Variants in SLC12A1 observed in about 807,000 individuals in gnomAD.
SLC12A1 encodes solute carrier family 12 member 1.
In SLC12A1, 89 loss-of-function variants were observed where a neutral mutation model predicts 130.4. That is an observed-to-expected ratio of 0.68 (90% CI 0.58 to 0.81). SLC12A1 has a LOEUF of 0.81. SLC12A1 is among the 40% of genes least tolerant of loss of function. SLC12A1 has a pLI of 0.00. For missense variants in SLC12A1, 1,310 were observed against 1,336.4 expected, an observed-to-expected ratio of 0.98 and a Z score of 0.31; for synonymous variants, 499 against 460.0, an observed-to-expected ratio of 1.08 and a Z score of -1.09.
At position 48,249,762 on chromosome 15, in the gene SLC12A1, A is replaced by G. The variant is rs118097070; in HGVS notation, c.1786+86A>G. 2.0e-3 allele frequency: 1,973 copies of G among 982,318 alleles called. 6 individuals are homozygous for G. Among genetic ancestry groups the G allele is most frequent in the Non-Finnish European group, 2.6e-3 (1,631 of 618,510 alleles). The allele number at this position is 982,318 out of a possible 1,614,324, so 60.9% of individuals were successfully genotyped here. A position where few individuals can be genotyped will look rare whatever the true frequency, so the allele number is the denominator to read the frequency against. ...GAAATAAATCAGTGAAAAGTGTTCA[A>G]TCTGTGTTTATATGTTTCCTTATAT... On this transcript the variant is annotated intron_variant, in intron 14 of 26. Transcript: ENST00000380993.
rs112789052 is a variant in SLC12A1 at position 48,269,960 on chromosome 15, G to A, written c.2402+196G>A. Among the ~76,000 whole-genome samples, 737 of 152,286 alleles carry A rather than the reference G, an allele frequency of 4.8e-3. 8 individuals carry two copies. The highest frequency in any genetic ancestry group is 0.044 in the Middle Eastern group (13 of 294). ...AGTTTGAGGGAATCAGAGTGTCAGA[G>A]GAGGCAGGGTGAGAGAAACGCCCGT... On this transcript the variant is annotated intron_variant, in intron 19 of 26. Coordinates refer to ENST00000380993, the MANE Select transcript of SLC12A1 (RefSeq NM_000338.3).
At chr15:48,255,164 G>T (rs751397082) in intron 15 of SLC12A1, among the ~76,000 whole-genome samples, 11 of 152,158 alleles carry the variant, frequency 7.2e-5, no homozygotes, top group Admixed American at 1.3e-4. Context: ...TTTGGGCCAG[G>T]CGCGGTGGCT....
At chr15:48,217,872 C>T (rs1205719236) in intron 2 of SLC12A1, 2 of 152,490 alleles carry the variant, frequency 1.3e-5, no homozygotes, top group Non-Finnish European at 2.9e-5. Flanking sequence ...AGTGGCACAA[C>T]TGTGGTTCAC....
intron 15 of SLC12A1, among the ~76,000 whole-genome samples, chr15:48,254,308 G>A (rs1360772402): frequency 1.3e-5 from 2 of 151,940 alleles, no homozygotes; most frequent in African/African-American, 4.8e-5. Flanking sequence ...GTGAGGTATT[G>A]TTCAAGGTTC....
intron 1 of SLC12A1, among the ~76,000 whole-genome samples, chr15:48,207,072 T>C (rs2040990892): frequency 6.6e-6 from 1 of 152,176 alleles, no homozygotes; most frequent in African/African-American, 2.4e-5. Flanking sequence ...TTTTATAAAC[T>C]AGCAAGAATA....
chr15:48,299,657 C>T (rs563186209), intron 25 of SLC12A1, among the ~76,000 whole-genome samples: 1 of 152,092 alleles, frequency 6.6e-6, no homozygotes, highest in Non-Finnish European at 1.5e-5. Flanking sequence ...ATACTTTTAA[C>T]CTGATGAAGA....
At chr15:48,255,267 G>A (rs775242741) in intron 15 of SLC12A1, among the ~76,000 whole-genome samples, 24 of 151,856 alleles carry the variant, frequency 1.6e-4, no homozygotes, top group East Asian at 3.9e-4. Flanking sequence ...GTGAAACCCC[G>A]TCTCTACTAA....
intron 20 of SLC12A1, among the ~76,000 whole-genome samples, chr15:48,277,150 T>C (rs183064223): frequency 9.1e-4 from 138 of 152,000 alleles, no homozygotes; most frequent in African/African-American, 3.2e-3. Flanking sequence ...TATAGATCTC[T>C]GGGAGATCAA....
At chr15:48,247,562 A>T (rs559766568) in intron 13 of SLC12A1, 102 bp downstream of exon 13, 2 of 940,556 alleles carry the variant, frequency 2.1e-6, no homozygotes, top group East Asian at 2.7e-5. Flanking sequence ...TATGTTTAGG[A>T]TCCCATTTGG....
At chr15:48,220,315 T>G (rs781330266) in intron 2 of SLC12A1, among the ~76,000 whole-genome samples, 2 of 152,102 alleles carry the variant, frequency 1.3e-5, no homozygotes, top group Non-Finnish European at 2.9e-5. Flanking sequence ...CTTGTAGCCC[T>G]TCTCTCTTTT....
In SLC12A1 at chr15:48,257,518, T is replaced by G. The variant is rs2041721703; in HGVS notation, c.2042+1608T>G. Among the ~76,000 whole-genome samples, 4 of 152,150 alleles carry G rather than the reference T, an allele frequency of 2.6e-5. No individual in the cohort carries two copies. The South Asian group carries it at 8.3e-4, about 32-fold the overall frequency. ...GCATTTCCATACATCCTCTGACATC[T>G]AGGAGGAGGTTCTCAAACCTCAATT... On this transcript the variant is annotated intron_variant, in intron 16 of 26. Transcript: ENST00000380993.
chr15:48,292,099 T>G (rs1393166834), intron 24 of SLC12A1, among the ~76,000 whole-genome samples: 1 of 152,246 alleles, frequency 6.6e-6, no homozygotes, highest in Admixed American at 6.5e-5. Flanking sequence ...AACAGATTAG[T>G]TAGTATTTTA....
chr15:48,281,945 C>G lies in SLC12A1; in HGVS notation c.2486-3161C>G, dbSNP rs532733104. Among the ~76,000 whole-genome samples the G allele has an allele frequency of 3.9e-5, 6 of 152,238 alleles. No individual in the cohort carries two copies. The South Asian group carries it at 1.2e-3, about 32-fold the overall frequency. ...TAGACAAAGTCTACTCTTAATTTCC[C>G]TGCATGCAAACAGAGGCAAGCAGTA... On this transcript the variant is annotated intron_variant, in intron 20 of 26. Transcript: ENST00000380993.
chr15:48,235,075 G>C (rs770918514), intron 9 of SLC12A1, 71 bp downstream of exon 9: 1 of 1,472,818 alleles, frequency 6.8e-7, no homozygotes. Flanking sequence ...AGGAGCTAGA[G>C]AGGTTAGATG....
chr15:48,238,848 C>T (rs535597253), intron 9 of SLC12A1, among the ~76,000 whole-genome samples: 10 of 152,096 alleles, frequency 6.6e-5, no homozygotes, highest in Non-Finnish European at 1.3e-4. Context: ...CTTACATTTG[C>T]TAATAATGCA....
rs767803616 is a variant in SLC12A1, at chr15:48,227,115, TA to T, written c.724+546del. On this transcript the variant is annotated intron_variant, in intron 5 of 26. Coordinates refer to ENST00000380993, the MANE Select transcript of SLC12A1 (RefSeq NM_000338.3). ...ATCATCATTGGCCTAAGTGTGGTAG[TA>T]ACGACACTCACAGGTATTTCTATGT... 3.2e-6 allele frequency: 5 copies of T among 1,552,230 alleles called. No individual in the cohort carries two copies. The South Asian group carries it at 5.9e-5, about 18-fold the overall frequency.
intron 11 of SLC12A1, among the ~76,000 whole-genome samples, chr15:48,246,232 T>C (rs1003232410): frequency 6.6e-6 from 1 of 152,112 alleles, no homozygotes; most frequent in African/African-American, 2.4e-5. Flanking sequence ...AGAAGAAAGG[T>C]TAATGGCTGT....
intron 20 of SLC12A1, among the ~76,000 whole-genome samples, chr15:48,279,152 C>T (rs754829563): frequency 1.3e-5 from 2 of 152,222 alleles, no homozygotes; most frequent in Admixed American, 1.3e-4. Context: ...CTTTCCGCCA[C>T]ATTTCCATGC....
chr15:48,240,737 G>A (rs965219273), intron 9 of SLC12A1, among the ~76,000 whole-genome samples: 4 of 152,022 alleles, frequency 2.6e-5, no homozygotes, highest in Non-Finnish European at 5.9e-5. Flanking sequence ...TATAAGTGAA[G>A]ACATTAAAAT....
Sources: allele counts gnomAD v4.1 joint callset (sites outside exome capture counted in the v4.1 genomes callset), GRCh38; gene constraint gnomAD v4.1.1; transcripts MANE v1.5; gene names NCBI Gene and HGNC (gene_info 2026-07-23, HGNC 2026-07-21).